Variants in GLI2 observed in about 807,000 individuals in gnomAD.
The protein encoded by GLI2 is GLI family zinc finger 2.
GLI2 carries 22 observed loss-of-function variants against 78.9 expected under a neutral mutation model. The observed-to-expected ratio is 0.28, with a 90% CI of 0.20 to 0.40. The LOEUF (loss-of-function observed/expected upper bound fraction) is 0.40, where lower values mean the gene tolerates loss of function less well. Among genes scored for constraint, GLI2 ranks in the 10% least tolerant of loss-of-function variants. The pLI, the probability that GLI2 is intolerant of heterozygous loss-of-function variation, is 1.00. For synonymous variants in GLI2, 974 were observed against 963.7 expected (o/e 1.01, Z -0.20); for missense variants, 2,097 against 2,213.2 (o/e 0.95, Z 1.05).
intron 4 of GLI2, 158 bp downstream of exon 4, chr2:120,951,603 T>C (rs1331837242): frequency 6.8e-6 from 4 of 590,370 alleles, no homozygotes; most frequent in Non-Finnish European, 1.2e-5. Context: ...AACAACAAGT[T>C]TTTGGGTTTT....
intron 2 of GLI2, chr2:120,866,887 G>A (rs984068773): frequency 2.0e-5 from 3 of 152,230 alleles, no homozygotes; most frequent in African/African-American, 7.2e-5. Flanking sequence ...TGGGGATGTG[G>A]GTTCAGATCC....
At chr2:120,821,870 C>A (rs552860486) in intron 2 of GLI2, among the ~76,000 whole-genome samples, 1 of 152,174 alleles carries the variant, frequency 6.6e-6, no homozygotes, top group East Asian at 1.9e-4. Context: ...TGGGTCACAC[C>A]GAGCCTCCTT....
chr2:120,894,701 C>CT (rs35695421), intron 2 of GLI2, among the ~76,000 whole-genome samples: 2,117 of 136,994 alleles, frequency 0.015, 27 homozygotes, highest in Non-Finnish European at 0.024. Flanking sequence ...TCTTTTCTTT[C>CT]TTTTTTTTTT....
At chr2:120,934,206 C>T (rs779786926) in intron 3 of GLI2, among the ~76,000 whole-genome samples, 11 of 152,210 alleles carry the variant, frequency 7.2e-5, no homozygotes, top group Admixed American at 5.9e-4. Context: ...GACAGCGCCT[C>T]GCCGCCAAAA....
chr2:120,741,004 G>C (rs1376243648), intron 1 of GLI2, among the ~76,000 whole-genome samples: 1 of 152,212 alleles, frequency 6.6e-6, no homozygotes, highest in Non-Finnish European at 1.5e-5. Flanking sequence ...TGGCTGTGCC[G>C]GTTGAGCCTG....
rs377568773 is a variant in GLI2 at position 120,984,642 on chromosome 2, G to A, written c.1804G>A (p.Gly602Ser). 65 of 1,613,984 alleles carry A rather than the reference G, an allele frequency of 4.0e-5. No homozygotes were observed. The South Asian group carries it at 4.4e-4, about 11-fold the overall frequency. ...CAAAGAGAATGGGGACAGTGAGGCC[G>A]GCACGGAGCCTGGCGGCCCAGAGAG... ...LLKENGDSEA[G>S]TEPGGPESTE... is the part of the protein sequence containing the mutation. Residue 602 changes from glycine to serine, a missense_variant, in exon 12 of 14, where the codon GGC (glycine) becomes AGC (serine). This residue lies in a region of GLI2 where 57 missense variants were observed against 44.5 expected (regional missense o/e 1.28). Transcript: ENST00000361492.
At chr2:120,950,717 C>G (rs1477239001) in intron 3 of GLI2, among the ~76,000 whole-genome samples, 1 of 152,252 alleles carries the variant, frequency 6.6e-6, no homozygotes, top group African/African-American at 2.4e-5. Flanking sequence ...GCTGGTCACA[C>G]CAGCAACCAA....
In GLI2 at chr2:120,990,154, G is replaced by C. The variant is rs753359287; in HGVS notation, c.4189G>C (p.Glu1397Gln). The change falls in exon 14 of 14, where the codon GAG (glutamate) becomes CAG (glutamine). Residue 1397 changes from glutamate to glutamine, a missense_variant. Around this residue, in one of 5 missense-constraint regions of GLI2, gnomAD observed 1,290 missense variants for 1,261.7 expected, o/e 1.02. Coordinates refer to ENST00000361492, the MANE Select transcript of GLI2 (RefSeq NM_001374353.1). ...CATGCCGTCCAGTCAGGAAACAGCAGAGGCTGTGCCCAAGGGAGCGATGGG... is the reference window on the plus strand; with the variant it reads ...CATGCCGTCCAGTCAGGAAACAGCACAGGCTGTGCCCAAGGGAGCGATGGG... ...AAMPSSQETA[E>Q]AVPKGAMGNM... 21 of 1,611,470 alleles carry C rather than the reference G, an allele frequency of 1.3e-5. No individual in the cohort carries two copies. The highest frequency in any genetic ancestry group is 1.7e-5 in the Non-Finnish European group (20 of 1,178,636).
At chr2:120,804,900 G>A (rs1439128407) in intron 2 of GLI2, among the ~76,000 whole-genome samples, 3 of 152,220 alleles carry the variant, frequency 2.0e-5, no homozygotes, top group Non-Finnish European at 2.9e-5. Flanking sequence ...ATGGCTTGGG[G>A]TCAGGCAGAT....
Position 120,978,646 on chromosome 2 carries a change from G to A in GLI2, c.1467+63G>A, listed in dbSNP as rs1454674171. The A allele has an allele frequency of 5.1e-6, 8 of 1,574,908 alleles. No homozygotes were observed. In the Admixed American group the frequency reaches 1.4e-4, roughly 28 times the overall value. The stretch of plus-strand genomic sequence containing the variant: ...GACTGGCCTGTCAGCCAGGCCGGGG[G>A]GATCATGTTTGGAGGTGGCTGGCCA... On this transcript the variant is annotated intron_variant, in intron 10 of 13. Coordinates refer to ENST00000361492, the MANE Select transcript of GLI2 (RefSeq NM_001374353.1).
intron 2 of GLI2, among the ~76,000 whole-genome samples, chr2:120,912,822 T>C (rs277525): frequency 0.49 from 73,822 of 151,950 alleles, 20,547 homozygotes; most frequent in African/African-American, 0.77. Context: ...CGGGCAGCAA[T>C]CCAGGGCAGA....
intron 13 of GLI2, among the ~76,000 whole-genome samples, chr2:120,987,591 G>C (rs1683039505): frequency 6.6e-6 from 1 of 152,114 alleles, no homozygotes; most frequent in Non-Finnish European, 1.5e-5. Context: ...TCCTTCCATG[G>C]GTATGGACCT....
At chr2:120,756,774 T>C (rs1479200600) in intron 1 of GLI2, among the ~76,000 whole-genome samples, 1 of 152,192 alleles carries the variant, frequency 6.6e-6, no homozygotes, top group East Asian at 1.9e-4. Context: ...GCTTTTATGA[T>C]TTTCTGTGGG....
intron 3 of GLI2, among the ~76,000 whole-genome samples, chr2:120,938,032 A>G (rs1486473117): frequency 6.6e-6 from 1 of 152,158 alleles, no homozygotes; most frequent in African/African-American, 2.4e-5. Context: ...ATTCCCGCCC[A>G]TGGCTTTAAA....
intron 2 of GLI2, among the ~76,000 whole-genome samples, chr2:120,801,873 C>T (rs918066164): frequency 2.6e-5 from 4 of 152,200 alleles, no homozygotes; most frequent in African/African-American, 4.8e-5. Context: ...GAGCTGGGCC[C>T]GGGGCTTGGG....
rs141356812 is a variant in GLI2 at position 120,989,430 on chromosome 2, G to C, written c.3465G>C (p.Ala1155=). 6.8e-6 allele frequency: 11 copies of C among 1,613,096 alleles called. No homozygotes were observed. In the East Asian group the frequency reaches 2.5e-4, roughly 36 times the overall value. Residue 1155 remains alanine (A), a synonymous_variant, in exon 14 of 14, where the codon GCG becomes GCC. Transcript: ENST00000361492. ...CACCCTTTCCTCAGGGCAACCTGGC[G>C]GTGGTGCAGCAGAAGCCTGCCTTTG... ...KPPPFPQGNL[A]VVQQKPAFGQ...
chr2:120,850,303 G>A (rs1052653456), intron 2 of GLI2, among the ~76,000 whole-genome samples: 3 of 152,046 alleles, frequency 2.0e-5, no homozygotes, highest in Non-Finnish European at 4.4e-5. Context: ...GGGGAGAACA[G>A]AACAGAACAG....
intron 2 of GLI2, among the ~76,000 whole-genome samples, chr2:120,924,942 T>C (rs932688700): frequency 2.0e-5 from 3 of 152,198 alleles, no homozygotes; most frequent in Non-Finnish European, 4.4e-5. Context: ...ACCACAGCCA[T>C]GTAGGTAGTT....
At chr2:120,946,623 G>A (rs867279192) in intron 3 of GLI2, among the ~76,000 whole-genome samples, 19 of 152,306 alleles carry the variant, frequency 1.2e-4, no homozygotes, top group African/African-American at 4.3e-4. Flanking sequence ...AAGAAAGGGA[G>A]GTTGCTGCTG....
Sources: gnomAD v4.1 joint callset for allele counts (sites outside exome capture counted in the v4.1 genomes callset) on GRCh38, gnomAD v4.1.1 for gene constraint, gnomAD v4.1.1 regional missense constraint, MANE v1.5 for transcripts, NCBI Gene and HGNC (gene_info 2026-07-23, HGNC 2026-07-21) for gene names.